The following PTCHD4 variants were observed in gnomAD, a reference collection of about 807,000 sequenced individuals.
PTCHD4 encodes patched domain-containing protein 4.
Under a neutral mutation model 58.1 loss-of-function variants are expected in PTCHD4, and 33 were observed. That is an observed-to-expected ratio of 0.57 (90% confidence interval 0.43 to 0.76). The LOEUF (loss-of-function observed/expected upper bound fraction) is 0.76, where lower values mean the gene tolerates loss of function less well. Ranked by LOEUF, PTCHD4 falls within the 30% of genes least tolerant of loss-of-function variation. The pLI is 0.00. For synonymous variants in PTCHD4, 478 were observed against 409.6 expected (o/e 1.17, Z -2.02); for missense variants, 1,058 against 1,027.1 (o/e 1.03, Z -0.41).
chr6:47,963,682 G>A (rs193230133), intron 4 of PTCHD4, among the ~76,000 whole-genome samples: 39 of 152,260 alleles, frequency 2.6e-4, no homozygotes, highest in Admixed American at 5.9e-4. Flanking sequence ...TGCCATGTGT[G>A]ACAACATGGG....
chr6:48,012,831 CAT>C (rs574353807), intron 3 of PTCHD4, among the ~76,000 whole-genome samples: 317 of 152,236 alleles, frequency 2.1e-3, no homozygotes, highest in Non-Finnish European at 3.2e-3. Context: ...TTGAGATAAT[CAT>C]GTGGTTTTTG....
chr6:47,879,486 TGTTCACGGA>T lies in PTCHD4; in HGVS notation c.1340_1348del (p.Leu447_Glu449del). 1 of 1,613,750 alleles carries T rather than the reference TGTTCACGGA, an allele frequency of 6.2e-7. No individual in the cohort carries two copies. Among genetic ancestry groups the T allele is most frequent in the African/African-American group, 1.3e-5 (1 of 75,028 alleles). ...TATATTGGTAATCCATTCATTATAATGTTCACGGAGGAAGTGCTGAATGAAGTGGTGCTG... is the reference window on the plus strand; with the variant it reads ...TATATTGGTAATCCATTCATTATAATGGAAGTGCTGAATGAAGTGGTGCTG... On this transcript the variant is annotated inframe_deletion, in exon 5 of 5. Transcript: ENST00000339488.
intron 4 of PTCHD4, among the ~76,000 whole-genome samples, chr6:47,956,812 T>C (rs1173048894): frequency 6.6e-6 from 1 of 152,158 alleles, no homozygotes; most frequent in East Asian, 1.9e-4. Flanking sequence ...GACTGGAAGA[T>C]AAAATCATTT....
At chr6:48,094,394 G>A (rs1765422191) in intron 1 of PTCHD4, among the ~76,000 whole-genome samples, 1 of 152,154 alleles carries the variant, frequency 6.6e-6, no homozygotes, top group Non-Finnish European at 1.5e-5. Context: ...CTGCTGGGTT[G>A]ATAGATAAGG....
intron 4 of PTCHD4, among the ~76,000 whole-genome samples, chr6:47,996,784 T>C (rs978564321): frequency 6.6e-6 from 1 of 152,198 alleles, no homozygotes; most frequent in Admixed American, 6.5e-5. Flanking sequence ...AACTTACACT[T>C]GAAACACCCA....
rs776677566 is a variant in PTCHD4, at chr6:48,008,742, G to C, written c.790C>G (p.Leu264Val). 18 of 1,613,818 alleles carry C rather than the reference G, an allele frequency of 1.1e-5. No individual in the cohort carries two copies. In the East Asian group the frequency reaches 4.0e-4, roughly 36 times the overall value. ...CLRSKPFLGL[L>V]GVLTVCISII... ...GAGATGCATACTGTGAGCACCCCCA[G>C]GAGGCCCAGGAAGGGCTTACTGCGC... is the stretch of plus-strand genomic sequence containing the variant. The change falls in exon 4 of 5, where the codon CTG (leucine) becomes GTG (valine). Residue 264 changes from leucine to valine, a missense_variant. Leu to Val is a conservative substitution (Grantham distance 32, BLOSUM62 1). Coordinates refer to ENST00000339488, the MANE Select transcript of PTCHD4 (RefSeq NM_001384253.1).
At chr6:47,933,634 C>T (rs182839900) in intron 4 of PTCHD4, among the ~76,000 whole-genome samples, 14 of 152,268 alleles carry the variant, frequency 9.2e-5, no homozygotes, top group African/African-American at 2.9e-4. Flanking sequence ...GGCAGTAAGA[C>T]ACAAGTCAAT....
intron 4 of PTCHD4, among the ~76,000 whole-genome samples, chr6:47,987,434 A>C (rs1768110270): frequency 6.6e-6 from 1 of 151,712 alleles, no homozygotes; most frequent in Non-Finnish European, 1.5e-5. Context: ...AAAAAAAAAC[A>C]AGACTAAGTA....
chr6:48,027,153 C>T (rs1483408202), intron 3 of PTCHD4, among the ~76,000 whole-genome samples: 1 of 151,982 alleles, frequency 6.6e-6, no homozygotes, highest in East Asian at 1.9e-4. Context: ...CTTCTACATC[C>T]AGATAACACT....
intron 4 of PTCHD4, among the ~76,000 whole-genome samples, chr6:47,894,153 C>A (rs1311416214): frequency 6.6e-6 from 1 of 152,162 alleles, no homozygotes; most frequent in Non-Finnish European, 1.5e-5. Flanking sequence ...GAGCAGGAGT[C>A]AATTGAACTT....
intron 1 of PTCHD4, among the ~76,000 whole-genome samples, chr6:48,086,312 C>T (rs188554158): frequency 6.6e-6 from 1 of 152,222 alleles, no homozygotes; most frequent in East Asian, 1.9e-4. Flanking sequence ...TTCTTATATT[C>T]TTACCTTGAC....
At chr6:48,011,421 GT>G (rs199609513) in intron 3 of PTCHD4, among the ~76,000 whole-genome samples, 3 of 149,466 alleles carry the variant, frequency 2.0e-5, no homozygotes, top group South Asian at 2.1e-4. Context: ...ACCTTTTGAT[GT>G]TTTTTTTTCT....
intron 4 of PTCHD4, among the ~76,000 whole-genome samples, chr6:47,943,523 A>G (rs1181352198): frequency 6.6e-6 from 1 of 152,144 alleles, no homozygotes; most frequent in Non-Finnish European, 1.5e-5. Context: ...ATTATCAAGC[A>G]AGAGTCAATT....
intron 4 of PTCHD4, among the ~76,000 whole-genome samples, chr6:47,954,863 G>T (rs905311415): frequency 1.3e-5 from 2 of 152,148 alleles, no homozygotes; most frequent in Non-Finnish European, 1.5e-5. Context: ...GACAGTATGT[G>T]ATTTTGAGAC....
chr6:47,908,403 C>T (rs1274070035), intron 4 of PTCHD4, among the ~76,000 whole-genome samples: 2 of 152,114 alleles, frequency 1.3e-5, no homozygotes, highest in African/African-American at 4.8e-5. Context: ...AATTCAAAGT[C>T]GTGATTCCAC....
chr6:48,036,949 C>T (rs751126209), intron 3 of PTCHD4, among the ~76,000 whole-genome samples: 9 of 152,042 alleles, frequency 5.9e-5, no homozygotes, highest in Non-Finnish European at 8.8e-5. Context: ...ACAGAAAATG[C>T]ATTCTATTGA....
At chr6:48,033,965 G>T (rs1179077717) in intron 3 of PTCHD4, among the ~76,000 whole-genome samples, 1 of 152,022 alleles carries the variant, frequency 6.6e-6, no homozygotes, top group Non-Finnish European at 1.5e-5. Context: ...TAATTAAATT[G>T]GATGCTGTTT....
intron 3 of PTCHD4, among the ~76,000 whole-genome samples, chr6:48,054,156 T>C (rs1764327360): frequency 6.6e-6 from 1 of 152,138 alleles, no homozygotes. Context: ...GCCCCAGACA[T>C]TACATAATTG....
At position 47,867,930 on chromosome 6, in the gene PTCHD4, G is replaced by C. The variant is rs1434871977; in HGVS notation, c.*10373C>G. On this transcript the variant is annotated 3_prime_UTR_variant, in exon 5 of 5. Coordinates refer to ENST00000339488, the MANE Select transcript of PTCHD4 (RefSeq NM_001384253.1). Reference sequence around the variant, plus strand: ...TAGGTACAATCACAAGCCATCTAGGGGTACTTCAGAAACCCATCTACATCA... The same window carrying C: ...TAGGTACAATCACAAGCCATCTAGGCGTACTTCAGAAACCCATCTACATCA... Among the ~76,000 whole-genome samples, 1 of 151,482 alleles carries C rather than the reference G, an allele frequency of 6.6e-6. No homozygotes were observed. Among genetic ancestry groups the C allele is most frequent in the African/African-American group, 2.4e-5 (1 of 41,296 alleles).
Sources: gnomAD v4.1 joint callset for allele counts (sites outside exome capture counted in the v4.1 genomes callset) on GRCh38, gnomAD v4.1.1 for gene constraint, MANE v1.5 for transcripts, NCBI Gene and HGNC (gene_info 2026-07-23, HGNC 2026-07-21) for gene names.